The following GDPD4 variants were observed in gnomAD, a reference collection of about 807,000 sequenced individuals.
The protein encoded by GDPD4 is glycerophosphodiester phosphodiesterase 6.
GDPD4 carries 60 observed loss-of-function variants against 67.8 expected under a neutral mutation model. The ratio of observed to expected loss-of-function variants is 0.88; its 90% CI spans 0.72 to 1.10. GDPD4 has a LOEUF of 1.10. Among genes scored for constraint, GDPD4 ranks in the 50% least tolerant of loss-of-function variants. The pLI is 0.00. For synonymous variants in GDPD4, 212 were observed against 210.9 expected (o/e 1.00, Z -0.04); for missense variants, 623 against 613.9 (o/e 1.01, Z -0.16).
At chr11:77,296,168 G>A (rs989199101) in intron 1 of GDPD4, among the ~76,000 whole-genome samples, 2 of 150,056 alleles carry the variant, frequency 1.3e-5, no homozygotes, top group Non-Finnish European at 3.0e-5. Flanking sequence ...GGAGAATGGC[G>A]TGAACCTGGG....
intron 3 of GDPD4, among the ~76,000 whole-genome samples, chr11:77,280,051 G>A (rs1297214530): frequency 6.6e-6 from 1 of 152,100 alleles, no homozygotes; most frequent in African/African-American, 2.4e-5. Context: ...ACACTAGTAA[G>A]AATTATAAAG....
chr11:77,246,759 T>C (rs1385744618), intron 11 of GDPD4, among the ~76,000 whole-genome samples: 1 of 152,174 alleles, frequency 6.6e-6, no homozygotes, highest in African/African-American at 2.4e-5. Flanking sequence ...CTGACTCTAC[T>C]GGAGTGTAAC....
intron 11 of GDPD4, among the ~76,000 whole-genome samples, chr11:77,257,555 A>ACACG (rs1565526756): frequency 5.5e-4 from 11 of 20,056 alleles, no homozygotes; most frequent in Non-Finnish European, 9.2e-4. Flanking sequence ...CCTCTCCTAC[A>ACACG]CACACACACA....
At chr11:77,289,528 G>A (rs1219339530) in intron 1 of GDPD4, among the ~76,000 whole-genome samples, 2 of 151,796 alleles carry the variant, frequency 1.3e-5, no homozygotes, top group East Asian at 2.0e-4. Context: ...TCAGGAGTTC[G>A]AGACCAGCCT....
intron 16 of GDPD4, among the ~76,000 whole-genome samples, chr11:77,220,310 T>C (rs1477261213): frequency 2.0e-5 from 3 of 152,196 alleles, no homozygotes; most frequent in South Asian, 2.1e-4. Flanking sequence ...ATGCTTCCAG[T>C]TTTTACCCAT....
Position 77,269,072 on chromosome 11 carries a change from G to A in GDPD4, c.479-3C>T. ...TAATCCAACAGGCACTTGTAGACCT[G>A]AAAAATTTGAAAGGAAGGGGAAGTG... On this transcript the variant is annotated splice_region_variant and splice_polypyrimidine_tract_variant and intron_variant, in intron 8 of 16. Coordinates refer to ENST00000315938, the MANE Select transcript of GDPD4 (RefSeq NM_182833.3). 1.2e-6 allele frequency: 2 copies of A among 1,610,796 alleles called. No individual in the cohort carries two copies. Among genetic ancestry groups the A allele is most frequent in the Non-Finnish European group, 1.7e-6 (2 of 1,178,816 alleles).
intron 1 of GDPD4, among the ~76,000 whole-genome samples, chr11:77,293,583 T>G (rs1016154002): frequency 1.1e-5 from 1 of 87,972 alleles, no homozygotes; most frequent in African/African-American, 7.1e-5. Context: ...AACAGAGACC[T>G]TGTCTCAAAA....
chr11:77,261,388 C>A (rs1366325284), intron 10 of GDPD4, among the ~76,000 whole-genome samples: 1 of 152,096 alleles, frequency 6.6e-6, no homozygotes, highest in Non-Finnish European at 1.5e-5. Context: ...CAGGTGCCCA[C>A]CACCACGCCC....
intron 5 of GDPD4, among the ~76,000 whole-genome samples, chr11:77,275,568 C>A (rs2135878052): frequency 6.6e-6 from 1 of 152,270 alleles, no homozygotes; most frequent in South Asian, 2.1e-4. Flanking sequence ...AGCAACTGTA[C>A]ATTTACCTAG....
intron 7 of GDPD4, 164 bp downstream of exon 7, chr11:77,270,966 A>G (rs1959213983): frequency 3.4e-6 from 2 of 587,882 alleles, no homozygotes; most frequent in East Asian, 6.0e-5. Flanking sequence ...CCACTATAAC[A>G]GGGTAGTGAG....
At chr11:77,283,533 T>C (rs1191925135) in intron 3 of GDPD4, among the ~76,000 whole-genome samples, 1 of 152,020 alleles carries the variant, frequency 6.6e-6, no homozygotes, top group Non-Finnish European at 1.5e-5. Context: ...AAATAAATTA[T>C]ACCATAGCAT....
At chr11:77,287,083 C>T (rs1044501199) in intron 2 of GDPD4, 135 bp downstream of exon 2, 15 of 152,156 alleles carry the variant, frequency 9.9e-5, no homozygotes, top group African/African-American at 3.6e-4. Flanking sequence ...AACATTGGTG[C>T]AATACTTTTA....
At chr11:77,228,047 G>A (rs975213864) in intron 15 of GDPD4, 131 bp from the exon 16 acceptor site, 6 of 734,364 alleles carry the variant, frequency 8.2e-6, no homozygotes, top group Non-Finnish European at 1.2e-5. Context: ...TGCCTGCAAG[G>A]ATTCCCAAAT....
At chr11:77,236,990 T>G (rs1958581638) in intron 13 of GDPD4, among the ~76,000 whole-genome samples, 1 of 152,236 alleles carries the variant, frequency 6.6e-6, no homozygotes, top group Admixed American at 6.5e-5. Flanking sequence ...ATATGTAATG[T>G]TCTTAAAAGG....
chr11:77,229,829 T>C (rs1958421341), intron 14 of GDPD4, among the ~76,000 whole-genome samples: 1 of 152,212 alleles, frequency 6.6e-6, no homozygotes, highest in Non-Finnish European at 1.5e-5. Context: ...TCCTCTTCTA[T>C]GCTCCTTGCC....
intron 1 of GDPD4, among the ~76,000 whole-genome samples, chr11:77,297,811 T>A (rs917195581): frequency 6.6e-6 from 1 of 152,202 alleles, no homozygotes; most frequent in Admixed American, 6.5e-5. Flanking sequence ...CAGCACACTT[T>A]GAGCACTCAA....
intron 16 of GDPD4, among the ~76,000 whole-genome samples, chr11:77,226,813 C>T (rs1255959143): frequency 2.6e-5 from 4 of 152,262 alleles, no homozygotes; most frequent in African/African-American, 4.8e-5. Context: ...TTGGCTTAAA[C>T]CTCCAGTTTC....
chr11:77,257,593 A>ACC (rs1565526844), intron 11 of GDPD4, among the ~76,000 whole-genome samples: 12 of 121,694 alleles, frequency 9.9e-5, no homozygotes, highest in Non-Finnish European at 1.6e-4. Flanking sequence ...ACACACACAC[A>ACC]CCCTGTTGCT....
At chr11:77,248,797 C>T (rs1958831364) in intron 11 of GDPD4, among the ~76,000 whole-genome samples, 1 of 151,568 alleles carries the variant, frequency 6.6e-6, no homozygotes, top group Admixed American at 6.6e-5. Context: ...TCTCAGCTCA[C>T]TACAACCTCC....
Sources: gnomAD v4.1 joint callset for allele counts (sites outside exome capture counted in the v4.1 genomes callset) on GRCh38, gnomAD v4.1.1 for gene constraint, MANE v1.5 for transcripts, NCBI Gene and HGNC (gene_info 2026-07-23, HGNC 2026-07-21) for gene names.